USP8: variants seen among roughly 807,000 people sequenced by gnomAD.
The protein encoded by USP8 is ubiquitin carboxyl-terminal hydrolase 8.
USP8 carries 27 observed loss-of-function variants against 130.0 expected under a neutral mutation model. That is an observed-to-expected ratio of 0.21 (90% CI 0.15 to 0.29). USP8 has a LOEUF of 0.29. Ranked by LOEUF, USP8 falls within the 10% of genes least tolerant of loss-of-function variation. The pLI is 1.00. For missense variants in USP8, 1,029 were observed against 1,312.2 expected, an observed-to-expected ratio of 0.78 and a Z score of 3.33; for synonymous variants, 392 against 444.1, an observed-to-expected ratio of 0.88 and a Z score of 1.48.
At chr15:50,458,086 C>A (rs2050854458) in intron 4 of USP8, among the ~76,000 whole-genome samples, 1 of 152,052 alleles carries the variant, frequency 6.6e-6, no homozygotes, top group Non-Finnish European at 1.5e-5. Flanking sequence ...TTAGGGCAAA[C>A]AAGATTGCAG....
intron 5 of USP8, among the ~76,000 whole-genome samples, chr15:50,460,997 CTT>C (rs1035103431): frequency 1.3e-4 from 19 of 144,952 alleles, no homozygotes; most frequent in Non-Finnish European, 2.4e-4. Flanking sequence ...TCTCTACAAA[CTT>C]TTTTTTTTTT....
intron 15 of USP8, 186 bp from the exon 16 acceptor site, chr15:50,493,884 A>C: frequency 1.3e-6 from 1 of 776,444 alleles, no homozygotes; most frequent in South Asian, 1.4e-5. Context: ...CAAAAGAAGG[A>C]AGCTGAAGGG....
In USP8 at chr15:50,513,518, T is replaced by TTAAA. The variant is rs1172982929; in HGVS notation, c.*14430_*14431insTAAA. 2.1e-4 allele frequency: 18 copies of TTAAA among 85,960 alleles called. No individual in the cohort carries two copies. Among genetic ancestry groups the TTAAA allele is most frequent in the African/African-American group, 7.6e-4 (17 of 22,312 alleles). 5.3% of individuals were successfully genotyped at this position (85,960 alleles called of 1,614,324 possible). On this transcript the variant is annotated 3_prime_UTR_variant, in exon 20 of 20. Transcript: ENST00000307179. ...AGTTCGAGACAAGAGCGAAACTGTCTAAAAAAAAAAAAAAAAAAAAGAGTG... is the reference window on the plus strand; with the variant it reads ...AGTTCGAGACAAGAGCGAAACTGTCTTAAAAAAAAAAAAAAAAAAAAAAAGAGTG...
At chr15:50,441,187 G>C (rs896858485) in intron 2 of USP8, among the ~76,000 whole-genome samples, 162 bp from the exon 3 acceptor site, 1 of 152,128 alleles carries the variant, frequency 6.6e-6, no homozygotes, top group Non-Finnish European at 1.5e-5. Context: ...ACCACTCATC[G>C]TCTGCTGTGC....
In USP8 at chr15:50,499,390, T is replaced by A. The variant is rs374499650; in HGVS notation, c.*302T>A. 0.045 allele frequency: 4,617 copies of A among 103,688 alleles called. 69 individuals carry two copies. Among genetic ancestry groups the A allele is most frequent in the Admixed American group, 0.088 (581 of 6,578 alleles). The allele number at this position is 103,688 out of a possible 1,614,324, so 6.4% of individuals were successfully genotyped here. A position where few individuals can be genotyped will look rare whatever the true frequency, so the allele number is the denominator to read the frequency against. Reference sequence around the variant, plus strand: ...ACTGGTCTAAAAACTATTGTTATCTTTTTTTTTTCCTTTTCACTGTTATGG... The same window carrying A: ...ACTGGTCTAAAAACTATTGTTATCTATTTTTTTTCCTTTTCACTGTTATGG... On this transcript the variant is annotated 3_prime_UTR_variant, in exon 20 of 20. Transcript: ENST00000307179.
At chr15:50,471,295 A>G (rs2051367296) in intron 7 of USP8, among the ~76,000 whole-genome samples, 1 of 152,196 alleles carries the variant, frequency 6.6e-6, no homozygotes, top group East Asian at 1.9e-4. Context: ...GTGATTCCCC[A>G]GTTTATATTT....
intron 10 of USP8, among the ~76,000 whole-genome samples, chr15:50,478,275 T>G (rs2051639810): frequency 6.6e-6 from 1 of 152,234 alleles, no homozygotes; most frequent in South Asian, 2.1e-4. Context: ...TGTAAAAGTT[T>G]TTAAATAACC....
rs1452821965 is a variant in USP8, at chr15:50,513,702, A to C, written c.*14614A>C. ...AGTATACAAATTTAAGTAGTTATTTAAACCACAATGCCATTCTACTATATG... is the reference window on the plus strand; with the variant it reads ...AGTATACAAATTTAAGTAGTTATTTCAACCACAATGCCATTCTACTATATG... On this transcript the variant is annotated 3_prime_UTR_variant, in exon 20 of 20. Coordinates refer to ENST00000307179, the MANE Select transcript of USP8 (RefSeq NM_005154.5). 6.7e-6 allele frequency: 1 copy of C among 149,992 alleles called. No individual in the cohort carries two copies. The highest frequency in any genetic ancestry group is 1.5e-5 in the Non-Finnish European group (1 of 67,154). 9.3% of individuals were successfully genotyped at this position (149,992 alleles called of 1,614,324 possible).
At position 50,505,000 on chromosome 15, in the gene USP8, ATAAAC is replaced by A. The variant is rs1212560981; in HGVS notation, c.*5915_*5919del. 2 of 150,676 alleles carry A rather than the reference ATAAAC, an allele frequency of 1.3e-5. No individual in the cohort carries two copies. The highest frequency in any genetic ancestry group is 2.4e-5 in the African/African-American group (1 of 41,216). 9.3% of individuals were successfully genotyped at this position (150,676 alleles called of 1,614,324 possible). A position where few individuals can be genotyped will look rare whatever the true frequency, so the allele number is the denominator to read the frequency against. On this transcript the variant is annotated 3_prime_UTR_variant, in exon 20 of 20. Transcript: ENST00000307179. ...CCATCTCAAAAAAAAAAAAAAAAGA[ATAAAC>A]TATAAAATGAAGTTGGGGAAATTAG...
At chr15:50,495,345 C>T (rs1476204569) in intron 16 of USP8, among the ~76,000 whole-genome samples, 1 of 90,244 alleles carries the variant, frequency 1.1e-5, no homozygotes, top group East Asian at 3.2e-4. Context: ...TATACACATA[C>T]ATATATACAT....
chr15:50,497,297 T>A, intron 18 of USP8, 66 bp downstream of exon 18: 1 of 1,530,670 alleles, frequency 6.5e-7, no homozygotes, highest in Non-Finnish European at 8.7e-7. Context: ...TTCTGTGTAA[T>A]TTATACTTGT....
chr15:50,447,211 T>C (rs2050471469), intron 3 of USP8, among the ~76,000 whole-genome samples: 1 of 152,210 alleles, frequency 6.6e-6, no homozygotes. Context: ...TACTGGACGC[T>C]GGTCTTATGG....
At chr15:50,451,639 G>GT (rs2050632669) in intron 4 of USP8, among the ~76,000 whole-genome samples, 1 of 152,140 alleles carries the variant, frequency 6.6e-6, no homozygotes, top group Non-Finnish European at 1.5e-5. Context: ...CCTTTTCACT[G>GT]TTTTTCTCCC....
intron 7 of USP8, among the ~76,000 whole-genome samples, chr15:50,470,679 T>G (rs975067466): frequency 6.6e-6 from 1 of 151,108 alleles, no homozygotes; most frequent in East Asian, 1.9e-4. Context: ...CTTGGCTCAC[T>G]GCAGCCTCCG....
rs1211018690 is a variant in USP8 at position 50,511,997 on chromosome 15, AAAAAT to A, written c.*12918_*12922del. Reference sequence around the variant, plus strand: ...TGAGCAAGAGTGAGATATTGTCTCAAAAAATAAAATAAATAAAATTTTAAAAATAC... The same window carrying A: ...TGAGCAAGAGTGAGATATTGTCTCAAAAAATAAATAAAATTTTAAAAATAC... On this transcript the variant is annotated 3_prime_UTR_variant, in exon 20 of 20. Coordinates refer to ENST00000307179, the MANE Select transcript of USP8 (RefSeq NM_005154.5). The A allele has an allele frequency of 1.3e-5, 2 of 152,204 alleles. No homozygotes were observed. The highest frequency in any genetic ancestry group is 2.4e-5 in the African/African-American group (1 of 41,442). The allele number at this position is 152,204 out of a possible 1,614,324, so 9.4% of individuals were successfully genotyped here. A position where few individuals can be genotyped will look rare whatever the true frequency, so the allele number is the denominator to read the frequency against.
At chr15:50,496,845 A>C in intron 17 of USP8, 3 of 337,836 alleles carry the variant, frequency 8.9e-6, no homozygotes, top group Non-Finnish European at 1.6e-5. Flanking sequence ...CTGATTGACC[A>C]GGTTAGGGGC....
At chr15:50,496,936 C>T in intron 17 of USP8, 153 bp from the exon 18 acceptor site, 1 of 919,010 alleles carries the variant, frequency 1.1e-6, no homozygotes. Context: ...CTATGCTTCT[C>T]ACTAGATCAC....
chr15:50,476,575 T>C (rs2051574649), intron 8 of USP8, among the ~76,000 whole-genome samples: 1 of 152,182 alleles, frequency 6.6e-6, no homozygotes, highest in South Asian at 2.1e-4. Context: ...TAAAGTGGTA[T>C]TGGGGTGGTG....
intron 5 of USP8, among the ~76,000 whole-genome samples, chr15:50,461,509 A>G (rs2051004229): frequency 1.3e-5 from 2 of 151,972 alleles, no homozygotes; most frequent in Admixed American, 1.3e-4. Context: ...CCCCATGGAT[A>G]AAATGAGTTA....
Sources: allele counts gnomAD v4.1 joint callset (sites outside exome capture counted in the v4.1 genomes callset), GRCh38; gene constraint gnomAD v4.1.1; transcripts MANE v1.5; gene names NCBI Gene and HGNC (gene_info 2026-07-23, HGNC 2026-07-21).